ZMYM2: variants seen among roughly 807,000 people sequenced by gnomAD.
The protein encoded by ZMYM2 is zinc finger MYM-type containing 2.
Under a neutral mutation model 162.8 loss-of-function variants are expected in ZMYM2, and 56 were observed. The ratio of observed to expected loss-of-function variants is 0.34; its 90% confidence interval spans 0.28 to 0.43. The LOEUF (loss-of-function observed/expected upper bound fraction) is 0.43, where lower values mean the gene tolerates loss of function less well. Ranked by LOEUF, ZMYM2 falls within the 20% of genes least tolerant of loss-of-function variation. The pLI is 1.00. For missense variants in ZMYM2, 1,275 were observed against 1,621.8 expected, an observed-to-expected ratio of 0.79 and a Z score of 3.67; for synonymous variants, 510 against 541.6, an observed-to-expected ratio of 0.94 and a Z score of 0.81.
chr13:19,887,889 T>TC, the ZMYM2 span, among the ~76,000 whole-genome samples: 1 of 151,744 alleles, frequency 6.6e-6, no homozygotes, highest in Non-Finnish European at 1.5e-5. Context: ...AGTAATTTTT[T>TC]TTTTTTTTTG....
At chr13:20,043,733 A>T (rs1015229036) in intron 12 of ZMYM2, among the ~76,000 whole-genome samples, 1 of 151,912 alleles carries the variant, frequency 6.6e-6, no homozygotes, top group Admixed American at 6.6e-5. Context: ...CTGCTGCATG[A>T]GTGGCAGGGC....
chr13:19,914,677 T>C, the ZMYM2 span, among the ~76,000 whole-genome samples: 4 of 152,232 alleles, frequency 2.6e-5, no homozygotes, highest in African/African-American at 4.8e-5. Context: ...CGTAGTGTCT[T>C]ATCCACCACC....
chr13:19,997,187 A>G (rs1175899749), intron 3 of ZMYM2, among the ~76,000 whole-genome samples: 2 of 152,280 alleles, frequency 1.3e-5, no homozygotes, highest in South Asian at 2.1e-4. Context: ...TTCTCATACC[A>G]TTAACTATTT....
Position 20,064,506 on chromosome 13 carries a change from A to T in ZMYM2, c.3093A>T (p.Glu1031Asp), listed in dbSNP as rs1156277540. The T allele has an allele frequency of 6.3e-7, 1 of 1,599,738 alleles. No individual in the cohort carries two copies. Residue 1031 changes from glutamate to aspartate, a missense_variant, in exon 19 of 25, where the codon GAA (glutamate) becomes GAT (aspartate). This residue lies in a region of ZMYM2 where 229 missense variants were observed against 283.8 expected (regional missense o/e 0.81). Coordinates refer to ENST00000610343, the MANE Select transcript of ZMYM2 (RefSeq NM_197968.4). Reference protein sequence around the residue: ...NEFLLPPVFGEEYEEQPRPRS... With the variant: ...NEFLLPPVFGDEYEEQPRPRS... ...TTTTATTACCACCTGTTTTTGGCGA[A>T]GAATATGAGGAACAGCCCAGACCTC... is the stretch of plus-strand genomic sequence containing the variant.
chr13:19,972,364 T>A (rs1340435957), intron 2 of ZMYM2, among the ~76,000 whole-genome samples: 1 of 152,202 alleles, frequency 6.6e-6, no homozygotes, highest in East Asian at 1.9e-4. Context: ...CTGCAAAGGT[T>A]AAGAATATCA....
At chr13:19,992,566 C>T (rs1949710469) in intron 2 of ZMYM2, among the ~76,000 whole-genome samples, 1 of 151,734 alleles carries the variant, frequency 6.6e-6, no homozygotes, top group African/African-American at 2.4e-5. Context: ...TCCTTCCCCA[C>T]CCCCCAAAAA....
At chr13:19,930,064 C>G in the ZMYM2 span, among the ~76,000 whole-genome samples, 9 of 152,042 alleles carry the variant, frequency 5.9e-5, no homozygotes, top group African/African-American at 1.9e-4. Context: ...TTGAGACCAA[C>G]CTGGGCAACA....
At chr13:20,007,338 T>A (rs1300345993) in intron 6 of ZMYM2, among the ~76,000 whole-genome samples, 1 of 152,106 alleles carries the variant, frequency 6.6e-6, no homozygotes, top group Non-Finnish European at 1.5e-5. Flanking sequence ...GGTTTCACCG[T>A]GTTAGCCAGG....
At chr13:20,064,194 T>G (rs1956495987) in intron 18 of ZMYM2, among the ~76,000 whole-genome samples, 1 of 152,022 alleles carries the variant, frequency 6.6e-6, no homozygotes, top group African/African-American at 2.4e-5. Flanking sequence ...CAGACTATAA[T>G]AATTTTTCTG....
At chr13:20,061,717 T>C (rs1044277482) in intron 17 of ZMYM2, among the ~76,000 whole-genome samples, 2 of 152,004 alleles carry the variant, frequency 1.3e-5, no homozygotes, top group Non-Finnish European at 1.5e-5. Context: ...GCCTCCTGAG[T>C]AGCTGGAATT....
At chr13:19,997,957 A>T (rs886501330) in intron 3 of ZMYM2, among the ~76,000 whole-genome samples, 1 of 152,162 alleles carries the variant, frequency 6.6e-6, no homozygotes, top group Non-Finnish European at 1.5e-5. Flanking sequence ...TCTTGTGTAT[A>T]CATCTTGGGA....
intron 12 of ZMYM2, among the ~76,000 whole-genome samples, chr13:20,049,826 C>G (rs1955151913): frequency 1.3e-5 from 2 of 151,970 alleles, no homozygotes; most frequent in South Asian, 4.1e-4. Context: ...GGCTGTAACT[C>G]TACTTTTGGT....
At chr13:19,873,943 C>T in the ZMYM2 span, among the ~76,000 whole-genome samples, 1 of 152,188 alleles carries the variant, frequency 6.6e-6, no homozygotes, top group Non-Finnish European at 1.5e-5. Flanking sequence ...GACCAGGTTT[C>T]CAGCCCATCT....
the ZMYM2 span, among the ~76,000 whole-genome samples, chr13:19,914,118 T>A: frequency 6.6e-6 from 1 of 152,170 alleles, no homozygotes; most frequent in South Asian, 2.1e-4. Flanking sequence ...TTTGGCTGGA[T>A]GGTAAGGGAC....
chr13:19,996,085 T>TGC (rs1335783430), intron 3 of ZMYM2, among the ~76,000 whole-genome samples: 1 of 152,190 alleles, frequency 6.6e-6, no homozygotes, highest in African/African-American at 2.4e-5. Flanking sequence ...TGTGTGTGTG[T>TGC]CTATCGGCGT....
rs556902228 is a variant in ZMYM2 at position 20,086,159 on chromosome 13, A to G, written c.*145A>G. 52 of 673,598 alleles carry G rather than the reference A, an allele frequency of 7.7e-5. No individual in the cohort carries two copies. Among genetic ancestry groups the G allele is most frequent in the Non-Finnish European group, 1.1e-4 (48 of 436,806 alleles). The allele number at this position is 673,598 out of a possible 1,614,324, so 41.7% of individuals were successfully genotyped here. On this transcript the variant is annotated 3_prime_UTR_variant, in exon 25 of 25. Transcript: ENST00000610343. ...CCACGCTGGGTATTACCATGTAAAT[A>G]ATCTGTGAGTGAAAGTTGCCATTAT... is the stretch of plus-strand genomic sequence containing the variant.
At position 19,993,650 on chromosome 13, in the gene ZMYM2, G is replaced by A; in HGVS notation, c.578G>A (p.Gly193Asp). The A allele has an allele frequency of 1.2e-6, 2 of 1,614,046 alleles. No homozygotes were observed. Among genetic ancestry groups the A allele is most frequent in the East Asian group, 2.2e-5 (1 of 44,866 alleles). The stretch of plus-strand genomic sequence containing the variant: ...GCTAATGTTACAACTTTAGAAACAG[G>A]TGTAAGCTCTGTGAATGATGGCCAA... ...QIANVTTLET[G>D]VSSVNDGQLE... The change falls in exon 3 of 25, where the codon GGT (glycine) becomes GAT (aspartate). Residue 193 changes from glycine to aspartate, a missense_variant. Physicochemically the swap from Gly to Asp is moderately conservative, Grantham distance 94. Coordinates refer to ENST00000610343, the MANE Select transcript of ZMYM2 (RefSeq NM_197968.4).
intron 12 of ZMYM2, among the ~76,000 whole-genome samples, chr13:20,037,789 A>G (rs1953867411): frequency 6.6e-6 from 1 of 152,182 alleles, no homozygotes; most frequent in African/African-American, 2.4e-5. Flanking sequence ...GGTTTTTTAT[A>G]TAGGTAAATT....
intron 22 of ZMYM2, among the ~76,000 whole-genome samples, chr13:20,082,357 T>G (rs904770435): frequency 6.6e-6 from 1 of 152,186 alleles, no homozygotes; most frequent in Admixed American, 6.5e-5. Flanking sequence ...TTCTCTGGAG[T>G]ACGAGACTGG....
Sources: allele counts gnomAD v4.1 joint callset (sites outside exome capture counted in the v4.1 genomes callset), GRCh38; gene constraint gnomAD v4.1.1; regional missense constraint gnomAD v4.1.1; transcripts MANE v1.5; gene names NCBI Gene and HGNC (gene_info 2026-07-23, HGNC 2026-07-21).